The following TRIP4 variants were observed in gnomAD, a reference collection of about 807,000 sequenced individuals.
TRIP4 encodes activating signal cointegrator 1.
TRIP4 carries 54 observed loss-of-function variants against 81.8 expected under a neutral mutation model. That is an observed-to-expected ratio of 0.66 (90% CI 0.53 to 0.83). TRIP4 has a LOEUF of 0.83. Among genes scored for constraint, TRIP4 ranks in the 40% least tolerant of loss-of-function variants. The pLI, the probability that TRIP4 is intolerant of heterozygous loss-of-function variation, is 0.00. For synonymous variants in TRIP4, 270 were observed against 242.8 expected, an observed-to-expected ratio of 1.11 and a Z score of -1.04; for missense variants, 662 against 683.6, an observed-to-expected ratio of 0.97 and a Z score of 0.35.
intron 8 of TRIP4, among the ~76,000 whole-genome samples, chr15:64,417,197 A>G (rs1891907072): frequency 6.6e-6 from 1 of 152,122 alleles, no homozygotes; most frequent in South Asian, 2.1e-4. Context: ...TTTTTTGTAG[A>G]GAAGGAGTTT....
intron 11 of TRIP4, among the ~76,000 whole-genome samples, chr15:64,438,917 T>G (rs1214240954): frequency 6.6e-6 from 1 of 152,192 alleles, no homozygotes; most frequent in African/African-American, 2.4e-5. Flanking sequence ...GTGTGTGTCT[T>G]ATCACTTATT....
chr15:64,447,269 T>C (rs946944328), intron 12 of TRIP4, among the ~76,000 whole-genome samples: 2 of 152,238 alleles, frequency 1.3e-5, no homozygotes, highest in Non-Finnish European at 2.9e-5. Context: ...TTGTGTGAAT[T>C]GCATGATTCT....
At chr15:64,429,767 C>T (rs1892229121) in intron 11 of TRIP4, among the ~76,000 whole-genome samples, 1 of 152,136 alleles carries the variant, frequency 6.6e-6, no homozygotes, top group South Asian at 2.1e-4. Flanking sequence ...GAAGTAGTTT[C>T]CTAACTGTGA....
chr15:64,404,607 G>A (rs1277726134), intron 5 of TRIP4, among the ~76,000 whole-genome samples: 2 of 151,898 alleles, frequency 1.3e-5, no homozygotes, highest in African/African-American at 2.4e-5. Flanking sequence ...CACCGCGCTC[G>A]GCCTGTAATT....
intron 7 of TRIP4, among the ~76,000 whole-genome samples, chr15:64,410,880 A>G (rs950308487): frequency 2.6e-5 from 4 of 152,238 alleles, no homozygotes; most frequent in African/African-American, 9.6e-5. Flanking sequence ...AAATGGACAA[A>G]AACTAAAAAC....
At chr15:64,412,490 TC>T (rs1305205969) in intron 7 of TRIP4, among the ~76,000 whole-genome samples, 6 of 151,478 alleles carry the variant, frequency 4.0e-5, no homozygotes, top group African/African-American at 1.5e-4. Flanking sequence ...AATTATTACA[TC>T]CCCTCATGTA....
chr15:64,453,598 T>TA (rs1338333536), intron 12 of TRIP4, among the ~76,000 whole-genome samples: 3 of 152,216 alleles, frequency 2.0e-5, no homozygotes, highest in African/African-American at 7.2e-5. Context: ...CCCTATGCTC[T>TA]AAAGCCCTAA....
chr15:64,393,980 C>G lies in TRIP4; in HGVS notation c.136C>G (p.Arg46Gly), dbSNP rs553667435. 4.4e-6 allele frequency: 7 copies of G among 1,605,424 alleles called. No homozygotes were observed. Among genetic ancestry groups the G allele is most frequent in the Non-Finnish European group, 6.0e-6 (7 of 1,176,444 alleles). Residue 46 changes from arginine (R) to glycine (G), a missense_variant, in exon 2 of 13, where the codon CGA (arginine) becomes GGA (glycine). Physicochemically the swap from Arg to Gly is moderately radical, Grantham distance 125. Coordinates refer to ENST00000261884, the MANE Select transcript of TRIP4 (RefSeq NM_016213.5). ...VLSIESAEEIREYVTDLLQGN... is the reference protein window; with the variant it reads ...VLSIESAEEIGEYVTDLLQGN... ...GTCAATTGAGAGTGCTGAAGAGATA[C>G]GAGAATATGTTACTGATCTCCTCCA... is the stretch of plus-strand genomic sequence containing the variant.
intron 12 of TRIP4, among the ~76,000 whole-genome samples, chr15:64,451,648 G>A (rs1334677680): frequency 6.7e-6 from 1 of 150,112 alleles, no homozygotes; most frequent in Admixed American, 6.6e-5. Flanking sequence ...ATTTTTTATT[G>A]CTTTTATTTT....
intron 11 of TRIP4, among the ~76,000 whole-genome samples, chr15:64,432,494 C>G (rs149720917): frequency 0.016 from 2,391 of 152,072 alleles, 25 homozygotes; most frequent in Middle Eastern, 0.034. Flanking sequence ...CCTGTAATCC[C>G]AGCTACTTGG....
rs375014609 is a variant in TRIP4, at chr15:64,455,116, G to C, written c.*52G>C. ...TAGTGGAGTTTTGTGTACTAAAATT[G>C]CTATCTACTGGTCCTTTGGAATTGA... is the stretch of plus-strand genomic sequence containing the variant. On this transcript the variant is annotated 3_prime_UTR_variant, in exon 13 of 13. Coordinates refer to ENST00000261884, the MANE Select transcript of TRIP4 (RefSeq NM_016213.5). 6.5e-7 allele frequency: 1 copy of C among 1,539,836 alleles called. No individual in the cohort carries two copies. Among genetic ancestry groups the C allele is most frequent in the African/African-American group, 1.4e-5 (1 of 73,300 alleles).
intron 11 of TRIP4, among the ~76,000 whole-genome samples, chr15:64,434,207 C>G (rs1207939636): frequency 1.3e-5 from 2 of 151,984 alleles, no homozygotes; most frequent in Non-Finnish European, 2.9e-5. Context: ...CGAGACCAGC[C>G]AGACCAACAT....
chr15:64,402,112 G>GA (rs1891522985), intron 5 of TRIP4, among the ~76,000 whole-genome samples: 1 of 152,046 alleles, frequency 6.6e-6, no homozygotes, highest in South Asian at 2.1e-4. Flanking sequence ...TGTAAGATAA[G>GA]ATGGTAACAT....
intron 11 of TRIP4, 96 bp downstream of exon 11, chr15:64,425,727 G>GT (rs1892127137): frequency 1.2e-5 from 11 of 915,366 alleles, no homozygotes; most frequent in Non-Finnish European, 1.8e-5. Flanking sequence ...CCTCTTAAAA[G>GT]TGCTGGGATT....
intron 9 of TRIP4, among the ~76,000 whole-genome samples, chr15:64,422,630 C>T (rs1268304307): frequency 6.6e-6 from 1 of 152,164 alleles, no homozygotes; most frequent in Non-Finnish European, 1.5e-5. Context: ...CTTGCTTTTC[C>T]AAAGTAGAAA....
At chr15:64,404,462 G>A (rs1204340361) in intron 5 of TRIP4, among the ~76,000 whole-genome samples, 7 of 145,318 alleles carry the variant, frequency 4.8e-5, no homozygotes, top group African/African-American at 1.0e-4. Flanking sequence ...CTGGGATTGC[G>A]GGCGCCTGCC....
chr15:64,431,847 A>ATATATATATATATATTTTTT, intron 11 of TRIP4, among the ~76,000 whole-genome samples: 39 of 119,552 alleles, frequency 3.3e-4, no homozygotes, highest in African/African-American at 1.2e-3. Flanking sequence ...ATATATATAT[A>ATATATATATATATATTTTTT]TTTTTTTTAT....
chr15:64,440,292 T>C (rs368776780), intron 11 of TRIP4, among the ~76,000 whole-genome samples: 1 of 151,924 alleles, frequency 6.6e-6, no homozygotes, highest in East Asian at 1.9e-4. Flanking sequence ...ATTCACATTC[T>C]TCACCTCCCT....
rs1196077756 is a variant in TRIP4, at chr15:64,436,759, A to G, written c.1576-8247A>G. ...CATGTAGTTCTTTAGGTGACCATCT[A>G]TGCCTTTTTTTTTTTTTTTTTTTTT... On this transcript the variant is annotated intron_variant, in intron 11 of 12. Coordinates refer to ENST00000261884, the MANE Select transcript of TRIP4 (RefSeq NM_016213.5). 5.8e-4 allele frequency among the ~76,000 whole-genome samples: 7 copies of G among 12,082 alleles called. No individual in the cohort carries two copies. In the East Asian group the frequency reaches 0.015, roughly 25 times the overall value. 7.9% of individuals were successfully genotyped at this position (12,082 alleles called of 152,430 possible).
Sources: gnomAD v4.1 joint callset for allele counts (sites outside exome capture counted in the v4.1 genomes callset) on GRCh38, gnomAD v4.1.1 for gene constraint, MANE v1.5 for transcripts, NCBI Gene and HGNC (gene_info 2026-07-23, HGNC 2026-07-21) for gene names.